The following SBF2 variants were observed in gnomAD, a reference collection of about 807,000 sequenced individuals.
SBF2 encodes the protein myotubularin-related protein 13.
Under a neutral mutation model 225.2 loss-of-function variants are expected in SBF2, and 112 were observed. The ratio of observed to expected loss-of-function variants is 0.50; its 90% CI spans 0.43 to 0.58. SBF2 has a LOEUF of 0.58. Among genes scored for constraint, SBF2 ranks in the 20% least tolerant of loss-of-function variants. The pLI, the probability that SBF2 is intolerant of heterozygous loss-of-function variation, is 0.00. For synonymous variants in SBF2, 763 were observed against 773.3 expected (o/e 0.99, Z 0.22); for missense variants, 1,996 against 2,206.2 (o/e 0.90, Z 1.91).
chr11:9,784,639 G>A (rs1852252439), intron 37 of SBF2, among the ~76,000 whole-genome samples: 1 of 152,198 alleles, frequency 6.6e-6, no homozygotes, highest in Non-Finnish European at 1.5e-5. Flanking sequence ...CCACATCTGT[G>A]AGGCTTGGAA....
At chr11:10,186,753 T>C (rs34683105) in intron 2 of SBF2, among the ~76,000 whole-genome samples, 32,153 of 152,100 alleles carry the variant, frequency 0.21, 4,126 homozygotes, top group Non-Finnish European at 0.3. Context: ...CCAGCCCCTA[T>C]CCTGAAACTA....
intron 1 of SBF2, among the ~76,000 whole-genome samples, chr11:10,202,671 C>T (rs1205835907): frequency 6.6e-6 from 1 of 152,098 alleles, no homozygotes; most frequent in Non-Finnish European, 1.5e-5. Context: ...GCCTGCAGTC[C>T]CAGCTACTCC....
At chr11:9,885,477 C>T (rs1310324369) in intron 17 of SBF2, among the ~76,000 whole-genome samples, 1 of 152,050 alleles carries the variant, frequency 6.6e-6, no homozygotes, top group African/African-American at 2.4e-5. Context: ...AAGTCTAGGT[C>T]TGTATACTTC....
At chr11:9,991,408 T>G (rs567514290) in intron 12 of SBF2, among the ~76,000 whole-genome samples, 1 of 152,284 alleles carries the variant, frequency 6.6e-6, no homozygotes, top group Non-Finnish European at 1.5e-5. Context: ...CCTTCTCCTC[T>G]GAACCAAAGA....
At chr11:10,143,730 T>C (rs1245488969) in intron 2 of SBF2, among the ~76,000 whole-genome samples, 1 of 152,050 alleles carries the variant, frequency 6.6e-6, no homozygotes, top group Non-Finnish European at 1.5e-5. Context: ...TTTTGTTTTT[T>C]TTTTTTAGAC....
chr11:10,194,520 CT>C (rs1439406418), intron 1 of SBF2, among the ~76,000 whole-genome samples: 1 of 151,846 alleles, frequency 6.6e-6, no homozygotes, highest in Non-Finnish European at 1.5e-5. Context: ...TCTATAAACA[CT>C]TTTTTTTGAG....
intron 2 of SBF2, among the ~76,000 whole-genome samples, chr11:10,192,915 A>G (rs1286264932): frequency 1.3e-5 from 2 of 152,264 alleles, no homozygotes; most frequent in East Asian, 3.8e-4. Flanking sequence ...CTTCGTAGAC[A>G]TATTACAAAG....
At chr11:9,882,621 A>G (rs1020112580) in intron 17 of SBF2, among the ~76,000 whole-genome samples, 4 of 152,002 alleles carry the variant, frequency 2.6e-5, no homozygotes, top group Non-Finnish European at 5.9e-5. Context: ...ATCCTGGCTA[A>G]CACGGTGAAA....
intron 2 of SBF2, among the ~76,000 whole-genome samples, chr11:10,143,218 C>T (rs116853262): frequency 0.076 from 11,573 of 151,920 alleles, 628 homozygotes; most frequent in East Asian, 0.28. Flanking sequence ...GTTGCCCAGG[C>T]GGGAGTGCAA....
intron 1 of SBF2, among the ~76,000 whole-genome samples, chr11:10,231,514 T>C (rs1958844840): frequency 6.6e-6 from 1 of 152,208 alleles, no homozygotes; most frequent in Admixed American, 6.5e-5. Flanking sequence ...GTTTGTTACT[T>C]TTCCTTCTAA....
intron 2 of SBF2, among the ~76,000 whole-genome samples, chr11:10,166,374 T>A (rs1484298915): frequency 6.6e-6 from 1 of 152,176 alleles, no homozygotes; most frequent in Non-Finnish European, 1.5e-5. Context: ...ACTAGAAACA[T>A]GTCTATCAAT....
At chr11:9,826,268 C>T (rs898217826) in intron 28 of SBF2, among the ~76,000 whole-genome samples, 9 of 152,152 alleles carry the variant, frequency 5.9e-5, no homozygotes, top group Non-Finnish European at 1.3e-4. Flanking sequence ...CTGCCCATAG[C>T]TAATGCAGTT....
intron 1 of SBF2, among the ~76,000 whole-genome samples, chr11:10,202,518 G>C (rs1034065862): frequency 6.6e-6 from 1 of 152,198 alleles, no homozygotes; most frequent in African/African-American, 2.4e-5. Flanking sequence ...GAGCGAGGGG[G>C]CTCAGGCCTG....
Position 9,842,778 on chromosome 11 carries a change from T to A in SBF2, c.3111-8A>T. 1 of 1,613,864 alleles carries A rather than the reference T, an allele frequency of 6.2e-7. No homozygotes were observed. Among genetic ancestry groups the A allele is most frequent in the Non-Finnish European group, 8.5e-7 (1 of 1,179,814 alleles). On this transcript the variant is annotated splice_polypyrimidine_tract_variant and splice_region_variant and intron_variant, in intron 24 of 39. Coordinates refer to ENST00000256190, the MANE Select transcript of SBF2 (RefSeq NM_030962.4). ...ATTGTTTTTGAGAAGGTACTACAAG[T>A]CATAAAACCAAAGAGAATGTCAACT...
At chr11:10,143,655 T>G (rs1007594905) in intron 2 of SBF2, among the ~76,000 whole-genome samples, 1 of 152,180 alleles carries the variant, frequency 6.6e-6, no homozygotes, top group Non-Finnish European at 1.5e-5. Flanking sequence ...ATCTATAGAT[T>G]TCAGTGCAAT....
intron 33 of SBF2, among the ~76,000 whole-genome samples, chr11:9,791,972 A>AGCC (rs1344396709): frequency 6.6e-6 from 1 of 152,242 alleles, no homozygotes; most frequent in Non-Finnish European, 1.5e-5. Context: ...GGCTTAGGGC[A>AGCC]ACATGTACAC....
Position 10,293,907 on chromosome 11 carries a change from G to A in SBF2, c.55+108C>T, listed in dbSNP as rs910166934. ...CCGACCGCCCGCTCCTCCGAGACTC[G>A]GCCTGGCCCTCCCCGACGCCCGTCC... is the stretch of plus-strand genomic sequence containing the variant. On this transcript the variant is annotated intron_variant, in intron 1 of 39. Coordinates refer to ENST00000256190, the MANE Select transcript of SBF2 (RefSeq NM_030962.4). 67 of 722,586 alleles carry A rather than the reference G, an allele frequency of 9.3e-5. 1 individual carries two copies. Among genetic ancestry groups the A allele is most frequent in the East Asian group, 1.8e-4 (5 of 27,378 alleles). 44.8% of individuals were successfully genotyped at this position (722,586 alleles called of 1,614,324 possible).
chr11:10,201,788 G>C (rs1565349756), intron 1 of SBF2, among the ~76,000 whole-genome samples: 1 of 152,188 alleles, frequency 6.6e-6, no homozygotes, highest in East Asian at 1.9e-4. Context: ...TTGAGGTCAG[G>C]AGTTCGAGAC....
intron 2 of SBF2, among the ~76,000 whole-genome samples, chr11:10,078,156 A>T (rs1381765293): frequency 4.6e-5 from 7 of 152,196 alleles, no homozygotes; most frequent in Non-Finnish European, 8.8e-5. Flanking sequence ...TGGAGAGGAT[A>T]TGGAGAAATA....
Sources: allele counts gnomAD v4.1 joint callset (sites outside exome capture counted in the v4.1 genomes callset), GRCh38; gene constraint gnomAD v4.1.1; transcripts MANE v1.5; gene names NCBI Gene and HGNC (gene_info 2026-07-23, HGNC 2026-07-21).